SH3D19: variants seen among roughly 807,000 people sequenced by gnomAD.
SH3D19 encodes SH3 domain-containing protein 19.
SH3D19 carries 58 observed loss-of-function variants against 112.1 expected under a neutral mutation model. That is an observed-to-expected ratio of 0.52 (90% CI 0.42 to 0.64). SH3D19 has a LOEUF of 0.64. SH3D19 is among the 30% of genes least tolerant of loss of function. The probability of loss-of-function intolerance (pLI) is 0.00; values close to 1 mark genes in which losing one functional copy is unlikely to be tolerated. For missense variants in SH3D19, 1,090 were observed against 1,263.4 expected, an observed-to-expected ratio of 0.86 and a Z score of 2.08; for synonymous variants, 391 against 448.5, an observed-to-expected ratio of 0.87 and a Z score of 1.62.
intron 1 of SH3D19, among the ~76,000 whole-genome samples, chr4:151,233,220 A>G (rs190470478): frequency 1.3e-5 from 2 of 152,082 alleles, no homozygotes; most frequent in East Asian, 3.9e-4. Flanking sequence ...ATTCTACATT[A>G]TGGTGAGTTG....
At chr4:151,156,170 G>C (rs1756070878) in intron 9 of SH3D19, among the ~76,000 whole-genome samples, 1 of 152,044 alleles carries the variant, frequency 6.6e-6, no homozygotes, top group Non-Finnish European at 1.5e-5. Context: ...AATGGAAGAA[G>C]ATACAAAGGA....
At chr4:151,155,659 AT>A (rs1755964482) in intron 9 of SH3D19, among the ~76,000 whole-genome samples, 1 of 152,136 alleles carries the variant, frequency 6.6e-6, no homozygotes, top group South Asian at 2.1e-4. Context: ...GCCGAGGCGG[AT>A]GGACCATTTG....
intron 2 of SH3D19, among the ~76,000 whole-genome samples, chr4:151,210,457 A>C (rs1051903489): frequency 1.4e-5 from 2 of 146,232 alleles, no homozygotes; most frequent in African/African-American, 2.6e-5. Flanking sequence ...GATGGAGTGC[A>C]GTGGCGCAAT....
At position 151,148,062 on chromosome 4, in the gene SH3D19, A is replaced by T; in HGVS notation, c.1942T>A (p.Ser648Thr). 6.2e-7 allele frequency: 1 copy of T among 1,614,148 alleles called. No individual in the cohort carries two copies. Among genetic ancestry groups the T allele is most frequent in the South Asian group, 1.1e-5 (1 of 91,074 alleles). Reference protein sequence around the residue: ...SNKKLPFNRSSSDMDLQKKQS... With the variant: ...SNKKLPFNRSTSDMDLQKKQS... ...TTTTTCTGAAGATCCATGTCAGAAG[A>T]GGATCGATTAAAAGGCAGTTTCTTA... is the stretch of plus-strand genomic sequence containing the variant. Residue 648 changes from serine (S) to threonine (T), a missense_variant, in exon 11 of 20, where the codon TCT (serine) becomes ACT (threonine). By Grantham distance (58) the Ser-to-Thr change is moderately conservative (BLOSUM62 1). Coordinates refer to ENST00000604030, the MANE Select transcript of SH3D19 (RefSeq NM_001378122.1).
intron 2 of SH3D19, among the ~76,000 whole-genome samples, chr4:151,210,480 C>T (rs932331180): frequency 6.7e-6 from 1 of 150,284 alleles, no homozygotes; most frequent in Non-Finnish European, 1.5e-5. Flanking sequence ...CAGCTTACTG[C>T]AAGCTCCGCC....
rs180980260 is a variant in SH3D19, at chr4:151,186,091, C to T, written c.193+1332G>A. Among the ~76,000 whole-genome samples, 4 of 152,204 alleles carry T rather than the reference C, an allele frequency of 2.6e-5. No individual in the cohort carries two copies. In the South Asian group the frequency reaches 6.2e-4, roughly 24 times the overall value. ...TTCTAAAAATAGGGCACATTCTCCTCGGGGTGGTAACCTCAGCTCAGATAA... is the reference window on the plus strand; with the variant it reads ...TTCTAAAAATAGGGCACATTCTCCTTGGGGTGGTAACCTCAGCTCAGATAA... On this transcript the variant is annotated intron_variant, in intron 3 of 19. Transcript: ENST00000604030.
Position 151,159,244 on chromosome 4 carries a change from T to C in SH3D19, c.1751A>G (p.Asn584Ser). ...GKLSNVERTR[N>S]LESNHPGQTG... ...CAATCTATAATGACCACTTACCAAG[T>C]TTCTAGTTCTCTCAACATTACTGAG... Residue 584 changes from asparagine (N) to serine (S), a missense_variant, in exon 9 of 20, where the codon AAC (asparagine) becomes AGC (serine). By Grantham distance (46) the Asn-to-Ser change is conservative (BLOSUM62 1). Transcript: ENST00000604030. 2.0e-5 allele frequency: 31 copies of C among 1,518,286 alleles called. No individual in the cohort carries two copies. The highest frequency in any genetic ancestry group is 2.5e-5 in the Non-Finnish European group (29 of 1,138,240). 94.1% of individuals were successfully genotyped at this position (1,518,286 alleles called of 1,614,324 possible).
intron 1 of SH3D19, among the ~76,000 whole-genome samples, chr4:151,318,368 T>C (rs941288338): frequency 1.0e-4 from 15 of 149,846 alleles, no homozygotes; most frequent in Non-Finnish European, 2.1e-4. Flanking sequence ...TACCAGGCCA[T>C]GTTAAAGTAA....
chr4:151,127,546 T>C, intron 19 of SH3D19, 72 bp downstream of exon 19: 1 of 877,980 alleles, frequency 1.1e-6, no homozygotes, highest in Non-Finnish European at 1.7e-6. Flanking sequence ...ACCCAAATGT[T>C]CCATCCTTCA....
chr4:151,165,376 G>A (rs577771201), intron 8 of SH3D19, among the ~76,000 whole-genome samples: 5 of 152,042 alleles, frequency 3.3e-5, no homozygotes, highest in South Asian at 2.1e-4. Flanking sequence ...AAAGGGAAGC[G>A]AAGGGGAAAG....
intron 2 of SH3D19, among the ~76,000 whole-genome samples, chr4:151,223,136 C>T (rs543309315): frequency 6.6e-6 from 1 of 151,798 alleles, no homozygotes; most frequent in South Asian, 2.1e-4. Flanking sequence ...TAAATTTTCC[C>T]CCTTTGCAAT....
rs60600816 is a variant in SH3D19 at position 151,273,589 on chromosome 4, C to CAAAAAAAAA, written c.113-47512_113-47504dup. On this transcript the variant is annotated intron_variant, in intron 1 of 19. Coordinates refer to ENST00000604030, the MANE Select transcript of SH3D19 (RefSeq NM_001378122.1). ...TGGGCGACAGAGCGAGACTCCATCT[C>CAAAAAAAAA]AAAAAAAAAAAAAAAAAAAAAAAAA... 7.9e-3 allele frequency among the ~76,000 whole-genome samples: 512 copies of CAAAAAAAAA among 64,566 alleles called. 13 individuals are homozygous for CAAAAAAAAA. Among genetic ancestry groups the CAAAAAAAAA allele is most frequent in the East Asian group, 0.033 (35 of 1,060 alleles). The allele number at this position is 64,566 out of a possible 152,430, so 42.4% of individuals were successfully genotyped here.
chr4:151,154,686 C>T (rs547372903), intron 9 of SH3D19, among the ~76,000 whole-genome samples: 195 of 152,222 alleles, frequency 1.3e-3, no homozygotes, highest in Middle Eastern at 3.4e-3. Context: ...AAGCAATTTT[C>T]GTGCCTCAGC....
At chr4:151,134,091 C>T (rs906013867) in intron 15 of SH3D19, among the ~76,000 whole-genome samples, 2 of 152,132 alleles carry the variant, frequency 1.3e-5, no homozygotes, top group Non-Finnish European at 2.9e-5. Context: ...AAGCCCACTT[C>T]GAATTCAACC....
chr4:151,216,719 C>G (rs925271946), intron 2 of SH3D19, among the ~76,000 whole-genome samples: 7 of 152,176 alleles, frequency 4.6e-5, no homozygotes, highest in African/African-American at 1.4e-4. Flanking sequence ...GAAACAACTT[C>G]AGAAAAGCCC....
At chr4:151,127,761 A>G in intron 18 of SH3D19, 46 bp from the exon 19 acceptor site, 1 of 1,117,334 alleles carries the variant, frequency 8.9e-7, no homozygotes, top group Non-Finnish European at 1.3e-6. Context: ...ACAGTGGACT[A>G]AAACACAAAT....
chr4:151,221,224 A>G (rs1767987177), intron 2 of SH3D19, among the ~76,000 whole-genome samples: 1 of 152,262 alleles, frequency 6.6e-6, no homozygotes, highest in South Asian at 2.1e-4. Context: ...AAACACAAAC[A>G]AGAGAAATGC....
At chr4:151,202,732 C>T (rs1764577610) in intron 2 of SH3D19, among the ~76,000 whole-genome samples, 1 of 152,204 alleles carries the variant, frequency 6.6e-6, no homozygotes, top group African/African-American at 2.4e-5. Context: ...TTTCAAAACA[C>T]AAGATACAGT....
chr4:151,283,270 T>G, intron 1 of SH3D19: 1 of 1,613,616 alleles, frequency 6.2e-7, no homozygotes, highest in Non-Finnish European at 8.5e-7. Context: ...ACTCAAAACA[T>G]GAAGGATAGT....
Sources: gnomAD v4.1 joint callset for allele counts (sites outside exome capture counted in the v4.1 genomes callset) on GRCh38, gnomAD v4.1.1 for gene constraint, MANE v1.5 for transcripts, NCBI Gene and HGNC (gene_info 2026-07-23, HGNC 2026-07-21) for gene names.